The following DNAH17 variants were observed in gnomAD, a reference collection of about 807,000 sequenced individuals.
DNAH17 encodes dynein axonemal heavy chain 17.
DNAH17 carries 376 observed loss-of-function variants against 485.6 expected under a neutral mutation model. That is an observed-to-expected ratio of 0.77 (90% CI 0.71 to 0.84). The LOEUF (loss-of-function observed/expected upper bound fraction) is 0.84. Among genes scored for constraint, DNAH17 ranks in the 40% least tolerant of loss-of-function variants. The pLI is 0.00. For missense variants in DNAH17, 6,370 were observed against 5,839.3 expected, an observed-to-expected ratio of 1.09 and a Z score of -2.96; for synonymous variants, 3,031 against 2,405.9, an observed-to-expected ratio of 1.26 and a Z score of -7.60.
At chr17:78,435,847 G>A (rs866562933) in intron 74 of DNAH17, among the ~76,000 whole-genome samples, 24 of 152,324 alleles carry the variant, frequency 1.6e-4, no homozygotes, top group South Asian at 1.0e-3. Context: ...CTTCCAGAAC[G>A]TATCCTCGCG....
At chr17:78,431,455 A>ACCC (rs1010523692) in intron 75 of DNAH17, among the ~76,000 whole-genome samples, 2 of 146,806 alleles carry the variant, frequency 1.4e-5, no homozygotes. Context: ...GGAACCCCCC[A>ACCC]CCCCGAGACT....
rs1321569600 is a variant in DNAH17 at position 78,434,071 on chromosome 17, G to A, written c.12183C>T (p.Ile4061=). The change falls in exon 75 of 81, where the codon ATC becomes ATT. Residue 4061 remains isoleucine, a synonymous_variant. Coordinates refer to ENST00000389840, the MANE Select transcript of DNAH17 (RefSeq NM_173628.4). ...SYPFNNGDLT[I]SINVLYNYLE... ...GGTAGTTGTAGAGCACGTTGATGGA[G>A]ATGGTGAGGTCCCCGTTGTTGAAGG... 1.2e-6 allele frequency: 2 copies of A among 1,613,162 alleles called. No individual in the cohort carries two copies. Among genetic ancestry groups the A allele is most frequent in the African/African-American group, 1.3e-5 (1 of 74,850 alleles).
intron 21 of DNAH17, 128 bp from the exon 22 acceptor site, chr17:78,529,822 G>A (rs2091181915): frequency 1.1e-6 from 1 of 902,976 alleles, no homozygotes; most frequent in Non-Finnish European, 1.7e-6. Flanking sequence ...CCCCAGGTGG[G>A]GAGGGAGCGC....
chr17:78,459,280 G>C, intron 60 of DNAH17, 72 bp from the exon 61 acceptor site: 1 of 1,446,582 alleles, frequency 6.9e-7, no homozygotes. Flanking sequence ...GAGAAGCTGA[G>C]TGTCTTGCCC....
In DNAH17 at chr17:78,479,142, T is replaced by C. The variant is rs773475060; in HGVS notation, c.7901-26A>G. ...CTGTTAGAGGAAAAGGACGTGTCAA[T>C]TCTCATGTACTCTTGATGGCCCCAG... On this transcript the variant is annotated intron_variant, in intron 50 of 80. Coordinates refer to ENST00000389840, the MANE Select transcript of DNAH17 (RefSeq NM_173628.4). 1.2e-5 allele frequency: 19 copies of C among 1,609,326 alleles called. 1 individual carries two copies. The South Asian group carries it at 2.1e-4, about 18-fold the overall frequency.
At chr17:78,465,123 G>C (rs762417479) in intron 56 of DNAH17, among the ~76,000 whole-genome samples, 2 of 152,190 alleles carry the variant, frequency 1.3e-5, no homozygotes, top group Non-Finnish European at 2.9e-5. Context: ...GTGGAGACGG[G>C]GTTTCGCTGT....
intron 36 of DNAH17, 90 bp downstream of exon 36, chr17:78,500,215 G>A (rs1349991611): frequency 7.1e-7 from 1 of 1,402,572 alleles, no homozygotes; most frequent in African/African-American, 1.5e-5. Context: ...GAGATCTGGA[G>A]TTTACTGTGG....
In DNAH17 at chr17:78,572,735, C is replaced by T. The variant is rs1186503949; in HGVS notation, c.505G>A (p.Gly169Ser). The stretch of plus-strand genomic sequence containing the variant: ...GACTCCAGCGTGCCATCCAGGCTGC[C>T]CAGGTGCTCCGGAATAGGCAGCAAG... ...KTLLPIPEHLGSLDGTLESME... is the reference protein window; with the variant it reads ...KTLLPIPEHLSSLDGTLESME... The change falls in exon 3 of 81, where the codon GGC (glycine) becomes AGC (serine). Residue 169 changes from glycine (G) to serine (S), a missense_variant. Physicochemically the swap from Gly to Ser is moderately conservative, Grantham distance 56 (BLOSUM62 0). Coordinates refer to ENST00000389840, the MANE Select transcript of DNAH17 (RefSeq NM_173628.4). 1.2e-6 allele frequency: 2 copies of T among 1,611,516 alleles called. No homozygotes were observed. Among genetic ancestry groups the T allele is most frequent in the African/African-American group, 2.7e-5 (2 of 74,968 alleles).
intron 31 of DNAH17, among the ~76,000 whole-genome samples, chr17:78,504,293 G>A (rs570096268): frequency 2.4e-4 from 37 of 152,114 alleles, no homozygotes; most frequent in African/African-American, 8.2e-4. Context: ...TTGAACTCCC[G>A]ACCTCAGATG....
Position 78,507,336 on chromosome 17 carries a change from CGTT to C in DNAH17, c.4615_4617del (p.Asn1539del). The C allele has an allele frequency of 6.2e-7, 1 of 1,614,012 alleles. No homozygotes were observed. Among genetic ancestry groups the C allele is most frequent in the African/African-American group, 1.3e-5 (1 of 75,040 alleles). On this transcript the variant is annotated inframe_deletion, in exon 29 of 81. Coordinates refer to ENST00000389840, the MANE Select transcript of DNAH17 (RefSeq NM_173628.4). ...CCGGGTTTGCTGGTGGCTTCCACCA[CGTT>C]GGGTGTTTTCACTGCATCTTCCATC...
At chr17:78,536,314 G>A (rs961668430) in intron 19 of DNAH17, among the ~76,000 whole-genome samples, 2 of 152,210 alleles carry the variant, frequency 1.3e-5, no homozygotes, top group African/African-American at 4.8e-5. Flanking sequence ...GCCAGGCATG[G>A]TGGCATGCAC....
chr17:78,484,675 G>T, intron 48 of DNAH17, 193 bp downstream of exon 48: 1 of 397,288 alleles, frequency 2.5e-6, no homozygotes, highest in Non-Finnish European at 4.5e-6. Flanking sequence ...CTACCTCAAT[G>T]CCTTGTGGCC....
intron 20 of DNAH17, among the ~76,000 whole-genome samples, chr17:78,531,128 C>T (rs187175786): frequency 3.8e-4 from 58 of 152,270 alleles, no homozygotes; most frequent in African/African-American, 1.3e-3. Context: ...ATCTGTCTGA[C>T]GCTGAGAGCA....
At chr17:78,534,172 C>T (rs1453774477) in intron 19 of DNAH17, among the ~76,000 whole-genome samples, 1 of 152,234 alleles carries the variant, frequency 6.6e-6, no homozygotes, top group Non-Finnish European at 1.5e-5. Context: ...TTTCCCCTGC[C>T]CTAAATCACC....
intron 72 of DNAH17, among the ~76,000 whole-genome samples, 184 bp downstream of exon 72, chr17:78,440,867 C>T (rs181133233): frequency 1.3e-5 from 2 of 152,360 alleles, no homozygotes; most frequent in East Asian, 3.9e-4. Flanking sequence ...CTACAAGGGT[C>T]GCAGTTCTCA....
chr17:78,427,147 G>C (rs1020696352), intron 77 of DNAH17, 39 bp from the exon 78 acceptor site: 2 of 1,551,104 alleles, frequency 1.3e-6, no homozygotes, highest in African/African-American at 2.7e-5. Flanking sequence ...TCACTGCAAA[G>C]AGCCCACCCC....
intron 54 of DNAH17, 65 bp downstream of exon 54, chr17:78,475,213 G>T: frequency 6.4e-7 from 1 of 1,553,346 alleles, no homozygotes; most frequent in Non-Finnish European, 8.8e-7. Flanking sequence ...GGAAAAGGGA[G>T]TGAAGTTTTT....
intron 56 of DNAH17, among the ~76,000 whole-genome samples, chr17:78,465,733 G>A (rs1177305597): frequency 2.0e-5 from 3 of 149,152 alleles, no homozygotes; most frequent in African/African-American, 7.7e-5. Context: ...TCTCCGCCCG[G>A]CAGCCACCCC....
chr17:78,458,333 T>C (rs1465477159), intron 62 of DNAH17: 1 of 560,372 alleles, frequency 1.8e-6, no homozygotes, highest in African/African-American at 1.9e-5. Flanking sequence ...GGACCCAGTG[T>C]CCCAGGCCAG....
Sources: allele counts gnomAD v4.1 joint callset (sites outside exome capture counted in the v4.1 genomes callset), GRCh38; gene constraint gnomAD v4.1.1; transcripts MANE v1.5; gene names NCBI Gene and HGNC (gene_info 2026-07-23, HGNC 2026-07-21).